The following NRG1 variants were observed in gnomAD, a reference collection of about 807,000 sequenced individuals.
NRG1 encodes the protein neuregulin 1.
NRG1 carries 18 observed loss-of-function variants against 63.8 expected under a neutral mutation model. The observed-to-expected ratio is 0.28, with a 90% CI of 0.19 to 0.42. The LOEUF (loss-of-function observed/expected upper bound fraction) is 0.42, where lower values mean the gene tolerates loss of function less well. Ranked by LOEUF, NRG1 falls within the 10% of genes least tolerant of loss-of-function variation. The pLI is 1.00. For missense variants in NRG1, 762 were observed against 814.7 expected (o/e 0.94, Z 0.79); for synonymous variants, 302 against 301.3 (o/e 1.00, Z -0.02).
intron 1 of NRG1, among the ~76,000 whole-genome samples, chr8:31,850,693 A>G (rs1827126089): frequency 6.6e-6 from 1 of 152,104 alleles, no homozygotes; most frequent in Admixed American, 6.5e-5. Context: ...TCATTGGACA[A>G]TATTCACTCA....
chr8:31,725,939 T>A (rs2131329372), intron 1 of NRG1, among the ~76,000 whole-genome samples: 1 of 152,288 alleles, frequency 6.6e-6, no homozygotes, highest in East Asian at 1.9e-4. Flanking sequence ...ATCACAAAAT[T>A]GTGAAATTGA....
intron 1 of NRG1, among the ~76,000 whole-genome samples, chr8:31,797,053 T>C (rs1480061826): frequency 6.6e-6 from 1 of 152,148 alleles, no homozygotes; most frequent in Non-Finnish European, 1.5e-5. Context: ...TAAAAAAAAG[T>C]GGAATCAGCC....
chr8:32,031,085 T>C (rs1359831692), intron 1 of NRG1, among the ~76,000 whole-genome samples: 1 of 152,198 alleles, frequency 6.6e-6, no homozygotes, highest in African/African-American at 2.4e-5. Flanking sequence ...GGTTCCCTGA[T>C]GGCAGCTGTC....
chr8:32,625,795 CT>C lies in NRG1; in HGVS notation c.502+8924del, dbSNP rs1457757802. 5.0e-3 allele frequency among the ~76,000 whole-genome samples: 491 copies of C among 98,492 alleles called. 2 individuals carry two copies. The highest frequency in any genetic ancestry group is 0.014 in the African/African-American group (373 of 27,294). The allele number at this position is 98,492 out of a possible 152,430, so 64.6% of individuals were successfully genotyped here. On this transcript the variant is annotated intron_variant, in intron 5 of 11. Coordinates refer to ENST00000356819, the Ensembl canonical transcript of NRG1. ...CTCTCTTTTTTTTTTTTTCTTTTTTCTTTTTTTTTTTTTTCTTGAGACGGAG... is the reference window on the plus strand; with the variant it reads ...CTCTCTTTTTTTTTTTTTCTTTTTTCTTTTTTTTTTTTTCTTGAGACGGAG...
At chr8:31,980,205 T>C (rs78550612) in intron 1 of NRG1, among the ~76,000 whole-genome samples, 2,042 of 152,154 alleles carry the variant, frequency 0.013, 45 homozygotes, top group African/African-American at 0.044. Context: ...GTTCTGCTAA[T>C]TGATGTAAGA....
intron 1 of NRG1, among the ~76,000 whole-genome samples, chr8:31,958,894 G>C (rs530254884): frequency 6.6e-6 from 1 of 152,310 alleles, no homozygotes; most frequent in African/African-American, 2.4e-5. Context: ...ATGATTGTGA[G>C]TATTTCGTTC....
chr8:31,870,196 G>GA (rs1829354124), intron 1 of NRG1, among the ~76,000 whole-genome samples: 1 of 151,938 alleles, frequency 6.6e-6, no homozygotes, highest in African/African-American at 2.4e-5. Flanking sequence ...AGCAAGATAA[G>GA]AGGACAAAAG....
chr8:32,611,302 T>A (rs1324609025), intron 3 of NRG1, among the ~76,000 whole-genome samples: 2 of 152,110 alleles, frequency 1.3e-5, no homozygotes, highest in East Asian at 1.9e-4. Context: ...AAATTATCAA[T>A]TGCAGCTTTT....
intron 1 of NRG1, among the ~76,000 whole-genome samples, chr8:31,781,355 G>A (rs1819665149): frequency 6.6e-6 from 1 of 152,112 alleles, no homozygotes; most frequent in African/African-American, 2.4e-5. Context: ...AGGCTGGGCT[G>A]ATCTTTATAG....
At chr8:32,526,935 G>A (rs1361616920) in intron 1 of NRG1, among the ~76,000 whole-genome samples, 2 of 152,028 alleles carry the variant, frequency 1.3e-5, no homozygotes, top group African/African-American at 2.4e-5. Flanking sequence ...TTCTGTAATT[G>A]TACCTAAGAA....
At chr8:32,172,190 G>A (rs879195181) in intron 1 of NRG1, among the ~76,000 whole-genome samples, 2 of 152,184 alleles carry the variant, frequency 1.3e-5, no homozygotes, top group East Asian at 1.9e-4. Flanking sequence ...CTGCTCACCA[G>A]TATCTGCTGT....
At chr8:32,114,235 G>A (rs1832412165) in intron 1 of NRG1, among the ~76,000 whole-genome samples, 1 of 152,188 alleles carries the variant, frequency 6.6e-6, no homozygotes, top group Non-Finnish European at 1.5e-5. Context: ...ATTTTTCTGT[G>A]AGTCATAGCA....
At chr8:32,748,815 A>G (rs969678742) in intron 7 of NRG1, 9 of 417,674 alleles carry the variant, frequency 2.2e-5, no homozygotes, top group African/African-American at 1.0e-4. Context: ...GAATTGTCCT[A>G]TGCCATACAG....
At chr8:32,573,186 GCTGT>G (rs1175896235) in intron 1 of NRG1, among the ~76,000 whole-genome samples, 1 of 152,144 alleles carries the variant, frequency 6.6e-6, no homozygotes, top group African/African-American at 2.4e-5. Flanking sequence ...TTCCCATTCT[GCTGT>G]CTGTCTTTAT....
At position 31,675,866 on chromosome 8, in the gene NRG1, T is replaced by C. The variant is rs554989757; in HGVS notation, c.37+36435T>C. ...AAATGACTTGTCAGAAGTCATTTAT[T>C]TCCAAATATAGGACTTCTGATACCA... On this transcript the variant is annotated intron_variant, in intron 1 of 10. Coordinates refer to the NRG1 transcript ENST00000519301. Among the ~76,000 whole-genome samples the C allele has an allele frequency of 3.9e-5, 6 of 152,318 alleles. No individual in the cohort carries two copies. The South Asian group carries it at 1.2e-3, about 32-fold the overall frequency.
intron 1 of NRG1, among the ~76,000 whole-genome samples, chr8:31,743,300 C>T (rs1477758490): frequency 6.6e-6 from 1 of 151,998 alleles, no homozygotes; most frequent in African/African-American, 2.4e-5. Flanking sequence ...TTCTCCTTGG[C>T]TCTTATCACT....
chr8:31,810,217 T>C (rs1226717824), intron 1 of NRG1, among the ~76,000 whole-genome samples: 1 of 152,170 alleles, frequency 6.6e-6, no homozygotes, highest in African/African-American at 2.4e-5. Flanking sequence ...CCATCATCTT[T>C]CACTTACTCT....
intron 1 of NRG1, among the ~76,000 whole-genome samples, chr8:32,240,567 G>T (rs1282806637): frequency 1.3e-5 from 2 of 152,058 alleles, no homozygotes; most frequent in East Asian, 3.9e-4. Flanking sequence ...ACATATGAGT[G>T]CATATAAGAC....
intron 1 of NRG1, among the ~76,000 whole-genome samples, chr8:32,417,800 A>T (rs1284000396): frequency 6.6e-6 from 1 of 152,156 alleles, no homozygotes; most frequent in African/African-American, 2.4e-5. Context: ...TTTTGCAAAA[A>T]TACTTTGTGG....
Sources: gnomAD v4.1 joint callset for allele counts (sites outside exome capture counted in the v4.1 genomes callset) on GRCh38, gnomAD v4.1.1 for gene constraint, MANE v1.5 for transcripts, NCBI Gene and HGNC (gene_info 2026-07-23, HGNC 2026-07-21) for gene names.